The following SLC39A11 variants were observed in gnomAD, a reference collection of about 807,000 sequenced individuals.
The protein encoded by SLC39A11 is solute carrier family 39 member 11.
Under a neutral mutation model 36.1 loss-of-function variants are expected in SLC39A11, and 33 were observed. The observed-to-expected ratio is 0.91, with a 90% confidence interval of 0.69 to 1.22. SLC39A11 has a LOEUF of 1.22. SLC39A11 is among the 50% of genes most tolerant of loss of function. The pLI, the probability that SLC39A11 is intolerant of heterozygous loss-of-function variation, is 0.00. For synonymous variants in SLC39A11, 166 were observed against 170.3 expected (o/e 0.97, Z 0.20); for missense variants, 432 against 430.3 (o/e 1.00, Z -0.03).
At chr17:72,699,488 G>A in intron 7 of SLC39A11, among the ~76,000 whole-genome samples, 1 of 152,202 alleles carries the variant, frequency 6.6e-6, no homozygotes, top group East Asian at 1.9e-4. Flanking sequence ...GCACCCTACA[G>A]CAGCTCAGAT....
chr17:73,039,717 G>A (rs1013652620), intron 3 of SLC39A11, among the ~76,000 whole-genome samples: 2 of 152,116 alleles, frequency 1.3e-5, no homozygotes, highest in Non-Finnish European at 2.9e-5. Context: ...AAGGGCCAAC[G>A]CAGAATTTTC....
chr17:73,065,850 T>C (rs2059982718), intron 3 of SLC39A11, among the ~76,000 whole-genome samples: 2 of 152,182 alleles, frequency 1.3e-5, no homozygotes, highest in African/African-American at 2.4e-5. Context: ...AAAGCCAGCA[T>C]TTCTTCTCAC....
At chr17:72,933,868 A>G (rs187444664) in intron 5 of SLC39A11, among the ~76,000 whole-genome samples, 5 of 152,318 alleles carry the variant, frequency 3.3e-5, no homozygotes, top group Admixed American at 3.3e-4. Context: ...AAAATGTGAA[A>G]GGAGAAAGGA....
chr17:72,715,003 C>T (rs58775052), intron 7 of SLC39A11, among the ~76,000 whole-genome samples: 31,250 of 152,158 alleles, frequency 0.21, 3,845 homozygotes, highest in African/African-American at 0.34. Flanking sequence ...AGCCCCTTCA[C>T]GCTCACAATT....
At chr17:72,807,765 G>C (rs1233922081) in intron 6 of SLC39A11, among the ~76,000 whole-genome samples, 2 of 152,164 alleles carry the variant, frequency 1.3e-5, no homozygotes, top group Non-Finnish European at 1.5e-5. Flanking sequence ...ATCCTTTTAG[G>C]ATAAAGTGGT....
chr17:72,654,175 C>T (rs1298768440), intron 7 of SLC39A11, among the ~76,000 whole-genome samples: 1 of 152,146 alleles, frequency 6.6e-6, no homozygotes, highest in Non-Finnish European at 1.5e-5. Context: ...GAGCTCTCTT[C>T]CTCACCTTGA....
intron 3 of SLC39A11, chr17:73,068,022 T>C: frequency 1.9e-6 from 3 of 1,591,690 alleles, no homozygotes; most frequent in Non-Finnish European, 2.6e-6. Flanking sequence ...TTAAGAAACT[T>C]TTTGATGAAG....
intron 6 of SLC39A11, among the ~76,000 whole-genome samples, chr17:72,791,842 G>A (rs1273969608): frequency 1.3e-5 from 2 of 152,236 alleles, no homozygotes; most frequent in East Asian, 1.9e-4. Context: ...AGAAGGACAT[G>A]TTGGCTTCCC....
intron 7 of SLC39A11, among the ~76,000 whole-genome samples, chr17:72,669,629 T>G (rs2070906161): frequency 6.6e-6 from 1 of 152,216 alleles, no homozygotes; most frequent in Non-Finnish European, 1.5e-5. Context: ...AAGTAGTTTG[T>G]GCTGGGTTTC....
chr17:72,894,298 G>A (rs2081914193), intron 5 of SLC39A11, among the ~76,000 whole-genome samples: 1 of 143,564 alleles, frequency 7.0e-6, no homozygotes, highest in Non-Finnish European at 1.5e-5. Context: ...GGAAGCGGAG[G>A]TTGCAGCACA....
At chr17:72,984,781 GC>G (rs2088592392) in intron 4 of SLC39A11, among the ~76,000 whole-genome samples, 1 of 152,188 alleles carries the variant, frequency 6.6e-6, no homozygotes, top group Admixed American at 6.5e-5. Flanking sequence ...ATTTTATCAG[GC>G]TCTGAGTCAT....
intron 3 of SLC39A11, among the ~76,000 whole-genome samples, chr17:73,056,200 G>A (rs554336434): frequency 5.3e-5 from 8 of 150,840 alleles, no homozygotes; most frequent in South Asian, 4.2e-4. Flanking sequence ...ACGGAGTCTC[G>A]CTCTGTCACC....
intron 4 of SLC39A11, among the ~76,000 whole-genome samples, chr17:73,010,944 C>T (rs951833666): frequency 6.6e-6 from 1 of 152,198 alleles, no homozygotes; most frequent in African/African-American, 2.4e-5. Flanking sequence ...ACAACCTCTC[C>T]AATTATTCTT....
At chr17:72,679,797 A>T (rs538377276) in intron 7 of SLC39A11, among the ~76,000 whole-genome samples, 184 of 152,296 alleles carry the variant, frequency 1.2e-3, no homozygotes, top group Non-Finnish European at 1.5e-3. Context: ...TAATCCCAGC[A>T]CTTTGGGAGG....
At chr17:72,751,558 C>T (rs1210086673) in intron 6 of SLC39A11, among the ~76,000 whole-genome samples, 2 of 152,088 alleles carry the variant, frequency 1.3e-5, no homozygotes, top group South Asian at 2.1e-4. Context: ...GTACAGCCAT[C>T]GCCACCACCC....
At chr17:73,015,502 G>A (rs932834730) in intron 4 of SLC39A11, among the ~76,000 whole-genome samples, 2 of 152,152 alleles carry the variant, frequency 1.3e-5, no homozygotes, top group African/African-American at 4.8e-5. Flanking sequence ...TACCCTGTAT[G>A]CCATCCGATT....
chr17:72,775,731 T>C (rs2076109994), intron 6 of SLC39A11, among the ~76,000 whole-genome samples: 1 of 152,178 alleles, frequency 6.6e-6, no homozygotes, highest in South Asian at 2.1e-4. Context: ...ATAAGGCATG[T>C]TTCCTGCTCT....
intron 4 of SLC39A11, among the ~76,000 whole-genome samples, chr17:73,026,645 TAGG>T (rs1181522668): frequency 6.6e-6 from 1 of 151,672 alleles, no homozygotes; most frequent in East Asian, 1.9e-4. Context: ...AAGATAAAAG[TAGG>T]AGAAGGGTTT....
At chr17:72,747,842 A>G (rs1436902999) in intron 6 of SLC39A11, among the ~76,000 whole-genome samples, 1 of 152,230 alleles carries the variant, frequency 6.6e-6, no homozygotes, top group African/African-American at 2.4e-5. Flanking sequence ...ATTGCCAAGG[A>G]ATCCCTGTGG....
Sources: gnomAD v4.1 joint callset for allele counts (sites outside exome capture counted in the v4.1 genomes callset) on GRCh38, gnomAD v4.1.1 for gene constraint, MANE v1.5 for transcripts, NCBI Gene and HGNC (gene_info 2026-07-23, HGNC 2026-07-21) for gene names.